ADAMTS14: variants seen among roughly 807,000 people sequenced by gnomAD.
ADAMTS14 encodes the protein ADAM metallopeptidase with thrombospondin type 1 motif 14.
In ADAMTS14, 100 loss-of-function variants were observed where a neutral mutation model predicts 128.6. The observed-to-expected ratio is 0.78, with a 90% confidence interval of 0.66 to 0.92. The LOEUF is 0.92. Ranked by LOEUF, ADAMTS14 falls within the 40% of genes least tolerant of loss-of-function variation. The pLI, the probability that ADAMTS14 is intolerant of heterozygous loss-of-function variation, is 0.00. For missense variants in ADAMTS14, 1,562 were observed against 1,658.6 expected (o/e 0.94, Z 1.01); for synonymous variants, 665 against 653.8 (o/e 1.02, Z -0.26).
chr10:70,712,484 G>A (rs775688340), intron 4 of ADAMTS14, among the ~76,000 whole-genome samples: 4 of 152,216 alleles, frequency 2.6e-5, no homozygotes, highest in Non-Finnish European at 5.9e-5. Context: ...ATTAATGAGG[G>A]AACCAGGCAG....
chr10:70,717,091 A>G (rs1392799534), intron 4 of ADAMTS14, among the ~76,000 whole-genome samples: 2 of 152,218 alleles, frequency 1.3e-5, no homozygotes, highest in African/African-American at 4.8e-5. Flanking sequence ...AGCACTTTGA[A>G]GCATAAAGGG....
At chr10:70,754,981 G>T (rs936912486) in intron 19 of ADAMTS14, among the ~76,000 whole-genome samples, 3 of 152,148 alleles carry the variant, frequency 2.0e-5, no homozygotes, top group South Asian at 4.1e-4. Context: ...AGAACATCAT[G>T]CCAAGTAAAA....
At chr10:70,727,587 C>T (rs911960818) in intron 4 of ADAMTS14, among the ~76,000 whole-genome samples, 72 of 141,496 alleles carry the variant, frequency 5.1e-4, no homozygotes, top group African/African-American at 1.6e-3. Flanking sequence ...TCCCTGACTG[C>T]GCTGGTGGCA....
chr10:70,688,882 AGGG>A lies in ADAMTS14; in HGVS notation c.523-13427_523-13425del. On this transcript the variant is annotated intron_variant, in intron 2 of 21. Coordinates refer to ENST00000373207, the MANE Select transcript of ADAMTS14 (RefSeq NM_080722.4). ...GAGGGGGAGGGGGAGGGGGAGGGGG[AGGG>A]GGAGGGGGAGGGAGAGGGAGAGCCT... 1.0e-4 allele frequency among the ~76,000 whole-genome samples: 2 copies of A among 19,750 alleles called. 1 individual carries two copies. The highest frequency in any genetic ancestry group is 6.7e-4 in the African/African-American group (2 of 2,986). 13.0% of individuals were successfully genotyped at this position (19,750 alleles called of 152,430 possible).
At chr10:70,729,115 C>A (rs1841536672) in intron 4 of ADAMTS14, among the ~76,000 whole-genome samples, 179 bp from the exon 5 acceptor site, 1 of 151,810 alleles carries the variant, frequency 6.6e-6, no homozygotes, top group South Asian at 2.1e-4. Context: ...GCAGTGTGTC[C>A]TCGGGCAGGT....
chr10:70,740,748 G>A (rs1456657868), intron 11 of ADAMTS14, among the ~76,000 whole-genome samples: 4 of 152,338 alleles, frequency 2.6e-5, no homozygotes, highest in African/African-American at 7.2e-5. Flanking sequence ...CACACTCACC[G>A]TGGAATAGGT....
Position 70,758,072 on chromosome 10 carries a change from C to A in ADAMTS14, c.3048C>A (p.Cys1016Ter), listed in dbSNP as rs1446316181. 6.2e-7 allele frequency: 1 copy of A among 1,612,442 alleles called. No individual in the cohort carries two copies. Among genetic ancestry groups the A allele is most frequent in the Admixed American group, 1.7e-5 (1 of 59,936 alleles). The change falls in exon 20 of 22, where the codon TGC (cysteine) becomes TGA (stop). Residue 1016 changes from cysteine (C) to a stop codon, truncating the protein, a stop_gained. Transcript: ENST00000373207. LOFTEE classifies it high-confidence loss of function. ...ATAGGCCAGACACTGTCCAGGTCTG[C>A]AGCCTGCCCGCCTGTGGAGGTGAGC... ...EGDRPDTVQV[C>*]SLPACGGNHQ...
chr10:70,741,887 G>A (rs1262887028), intron 12 of ADAMTS14, among the ~76,000 whole-genome samples: 1 of 152,186 alleles, frequency 6.6e-6, no homozygotes, highest in East Asian at 1.9e-4. Flanking sequence ...GGCTGGAAGA[G>A]CCCTCAATGA....
At chr10:70,675,957 C>T (rs1347611658) in intron 2 of ADAMTS14, among the ~76,000 whole-genome samples, 1 of 152,164 alleles carries the variant, frequency 6.6e-6, no homozygotes, top group Non-Finnish European at 1.5e-5. Context: ...TGGGTTCCTT[C>T]CTCACTGGCA....
At chr10:70,729,864 G>T (rs754700038) in intron 5 of ADAMTS14, among the ~76,000 whole-genome samples, 2 of 152,236 alleles carry the variant, frequency 1.3e-5, no homozygotes, top group Non-Finnish European at 2.9e-5. Flanking sequence ...TGGAAATTGT[G>T]TGTGTGAAGT....
chr10:70,733,728 G>T (rs1564545336), intron 7 of ADAMTS14, among the ~76,000 whole-genome samples, 157 bp from the exon 8 acceptor site: 1 of 152,200 alleles, frequency 6.6e-6, no homozygotes, highest in Non-Finnish European at 1.5e-5. Context: ...AGAGAAGATT[G>T]GTCCTCCCCA....
intron 4 of ADAMTS14, among the ~76,000 whole-genome samples, chr10:70,725,319 A>G (rs1841394626): frequency 6.6e-6 from 1 of 152,174 alleles, no homozygotes; most frequent in African/African-American, 2.4e-5. Context: ...CCAATGATGA[A>G]AAACTCCCCA....
At chr10:70,704,711 CACAT>C (rs1840604423) in intron 3 of ADAMTS14, among the ~76,000 whole-genome samples, 2 of 151,194 alleles carry the variant, frequency 1.3e-5, no homozygotes, top group African/African-American at 4.9e-5. Flanking sequence ...CCCACACTCA[CACAT>C]AGACACACAC....
intron 16 of ADAMTS14, among the ~76,000 whole-genome samples, chr10:70,750,397 C>G (rs1328958807): frequency 6.6e-6 from 1 of 152,172 alleles, no homozygotes; most frequent in African/African-American, 2.4e-5. Context: ...GCTCCAGCCT[C>G]CTGAAAAGGG....
At position 70,749,890 on chromosome 10, in the gene ADAMTS14, T is replaced by C. The variant is rs780373815; in HGVS notation, c.2332T>C (p.Phe778Leu). The change falls in exon 16 of 22, where the codon TTC (phenylalanine) becomes CTC (leucine). Residue 778 changes from phenylalanine (F) to leucine (L), a missense_variant. Phe to Leu is a conservative substitution (Grantham distance 22). Transcript: ENST00000373207. The stretch of plus-strand genomic sequence containing the variant: ...GGGCAAGGAAGCCACAAGCCGGACC[T>C]TCACCGCCATGGGCCTGGAGTGGGA... ...PKGKEATSRTFTAMGLEWEDA... is the reference protein window; with the variant it reads ...PKGKEATSRTLTAMGLEWEDA... The C allele has an allele frequency of 1.2e-6, 2 of 1,614,128 alleles. No homozygotes were observed. Among genetic ancestry groups the C allele is most frequent in the Non-Finnish European group, 1.7e-6 (2 of 1,180,014 alleles).
At chr10:70,740,862 G>A (rs1044862132) in intron 11 of ADAMTS14, 125 bp from the exon 12 acceptor site, 1 of 987,686 alleles carries the variant, frequency 1.0e-6, no homozygotes, top group African/African-American at 1.6e-5. Context: ...TCTGGTTTAT[G>A]TCAGTGGAGG....
chr10:70,705,318 C>A (rs1840627808), intron 3 of ADAMTS14, among the ~76,000 whole-genome samples: 1 of 152,152 alleles, frequency 6.6e-6, no homozygotes, highest in Non-Finnish European at 1.5e-5. Flanking sequence ...TCTCTGGAGC[C>A]CCGTTCCCAC....
In ADAMTS14 at chr10:70,741,006, C is replaced by A. The variant is rs1432738178; in HGVS notation, c.1768C>A (p.Leu590Met). The change falls in exon 12 of 22, where the codon CTG becomes ATG. Residue 590 changes from leucine to methionine, a missense_variant. Leu to Met is a conservative substitution (Grantham distance 15, BLOSUM62 2). Transcript: ENST00000373207. ...TCCCAGCCCAGCCTATGGAGGCCGCCTGTGCTTAGGGCCCATGTTCGAGTA... is the reference window on the plus strand; with the variant it reads ...TCCCAGCCCAGCCTATGGAGGCCGCATGTGCTTAGGGCCCATGTTCGAGTA... ...NNPSPAYGGR[L>M]CLGPMFEYQV... The A allele has an allele frequency of 6.2e-7, 1 of 1,613,966 alleles. No individual in the cohort carries two copies. The highest frequency in any genetic ancestry group is 8.5e-7 in the Non-Finnish European group (1 of 1,180,000).
In ADAMTS14 at chr10:70,752,227, T is replaced by C; in HGVS notation, c.2729T>C (p.Val910Ala). ...AACCAGCACCCGTGCTCTCAGCCTG[T>C]GTGAGTGCTCCCAGGGAGGGACGGG... is the stretch of plus-strand genomic sequence containing the variant. Reference protein sequence around the residue: ...RCNQHPCSQPVWVTEEWGACS... With the variant: ...RCNQHPCSQPAWVTEEWGACS... The change falls in exon 18 of 22, where the codon GTG becomes GCG. Residue 910 changes from valine (V) to alanine (A), a missense_variant and splice_region_variant. Transcript: ENST00000373207. 1.2e-6 allele frequency: 2 copies of C among 1,613,506 alleles called. No homozygotes were observed. The highest frequency in any genetic ancestry group is 8.5e-7 in the Non-Finnish European group (1 of 1,179,862).
Sources: gnomAD v4.1 joint callset for allele counts (sites outside exome capture counted in the v4.1 genomes callset) on GRCh38, gnomAD v4.1.1 for gene constraint, MANE v1.5 for transcripts, NCBI Gene and HGNC (gene_info 2026-07-23, HGNC 2026-07-21) for gene names.